Variants in CFAP58 observed in about 807,000 individuals in gnomAD.
CFAP58 encodes cilia and flagella associated protein 58.
Under a neutral mutation model 119.5 loss-of-function variants are expected in CFAP58, and 88 were observed. That is an observed-to-expected ratio of 0.74 (90% confidence interval 0.62 to 0.88). The LOEUF (loss-of-function observed/expected upper bound fraction) is 0.88, where lower values mean the gene tolerates loss of function less well. CFAP58 is among the 40% of genes least tolerant of loss of function. The probability of loss-of-function intolerance (pLI) is 0.00; values close to 1 mark genes in which losing one functional copy is unlikely to be tolerated. For missense variants in CFAP58, 990 were observed against 1,021.2 expected (o/e 0.97, Z 0.42); for synonymous variants, 365 against 366.3 (o/e 1.00, Z 0.04).
intron 11 of CFAP58, among the ~76,000 whole-genome samples, chr10:104,395,018 C>T (rs2012123465): frequency 6.6e-6 from 1 of 152,182 alleles, no homozygotes. Context: ...TGTTGGGTCT[C>T]ATCTCTTACT....
chr10:104,354,782 A>T (rs2014519869), intron 1 of CFAP58, among the ~76,000 whole-genome samples: 1 of 152,246 alleles, frequency 6.6e-6, no homozygotes, highest in African/African-American at 2.4e-5. Context: ...ACAGAACAGC[A>T]GAGCATTCAA....
chr10:104,442,923 C>T (rs1457239465), intron 15 of CFAP58, among the ~76,000 whole-genome samples: 2 of 152,188 alleles, frequency 1.3e-5, no homozygotes, highest in East Asian at 1.9e-4. Context: ...TGGTTTAATT[C>T]AAGTAAAAGT....
intron 15 of CFAP58, among the ~76,000 whole-genome samples, chr10:104,434,574 C>A (rs1257474278): frequency 6.6e-6 from 1 of 152,204 alleles, no homozygotes; most frequent in Non-Finnish European, 1.5e-5. Flanking sequence ...TCATCCCACC[C>A]TTGAACAAAT....
chr10:104,429,271 G>A (rs2012803484), intron 15 of CFAP58, among the ~76,000 whole-genome samples: 1 of 152,144 alleles, frequency 6.6e-6, no homozygotes, highest in Non-Finnish European at 1.5e-5. Flanking sequence ...ATCAGGCAGA[G>A]GCTAATGTGC....
At chr10:104,359,817 C>G (rs1346486805) in intron 2 of CFAP58, among the ~76,000 whole-genome samples, 1 of 151,982 alleles carries the variant, frequency 6.6e-6, no homozygotes, top group Non-Finnish European at 1.5e-5. Context: ...CAAAATAAAA[C>G]AAAAAACCCA....
At chr10:104,436,721 T>C (rs1280546945) in intron 15 of CFAP58, among the ~76,000 whole-genome samples, 9 of 152,186 alleles carry the variant, frequency 5.9e-5, no homozygotes, top group Non-Finnish European at 1.0e-4. Context: ...AATGTGAGAT[T>C]GGGTCAGGGA....
intron 1 of CFAP58, among the ~76,000 whole-genome samples, chr10:104,357,203 T>G (rs2014554349): frequency 6.6e-6 from 1 of 152,200 alleles, no homozygotes; most frequent in African/African-American, 2.4e-5. Flanking sequence ...CTCATCTAAG[T>G]AATAGCCAGA....
chr10:104,349,467 C>T (rs1449220668), upstream of CFAP58, among the ~76,000 whole-genome samples: 1 of 152,178 alleles, frequency 6.6e-6, no homozygotes. Flanking sequence ...CAATTTTCCT[C>T]TTCTTGTAAG....
intron 11 of CFAP58, among the ~76,000 whole-genome samples, chr10:104,398,968 CA>C (rs2012211469): frequency 6.6e-6 from 1 of 152,152 alleles, no homozygotes; most frequent in Non-Finnish European, 1.5e-5. Context: ...AGCTGGTACA[CA>C]CAGAGGCCTC....
chr10:104,358,734 T>G (rs780533895), intron 2 of CFAP58, 112 bp downstream of exon 2: 4 of 952,884 alleles, frequency 4.2e-6, no homozygotes, highest in Admixed American at 5.6e-5. Flanking sequence ...ATTTACATGA[T>G]TTTATATTCA....
chr10:104,454,746 G>A lies in CFAP58; in HGVS notation c.*216G>A. 5.9e-6 allele frequency: 3 copies of A among 510,554 alleles called. No homozygotes were observed. Among genetic ancestry groups the A allele is most frequent in the Non-Finnish European group, 1.0e-5 (3 of 289,556 alleles). The allele number at this position is 510,554 out of a possible 1,614,324, so 31.6% of individuals were successfully genotyped here. A position where few individuals can be genotyped will look rare whatever the true frequency, so the allele number is the denominator to read the frequency against. The stretch of plus-strand genomic sequence containing the variant: ...GATCATAATTCTCTCTGTTCAGTTA[G>A]GCTGACCTATTGCATGAAGCAAATC... On this transcript the variant is annotated 3_prime_UTR_variant, in exon 18 of 18. Coordinates refer to ENST00000369704, the MANE Select transcript of CFAP58 (RefSeq NM_001008723.2).
chr10:104,344,305 A>T, the CFAP58 span, among the ~76,000 whole-genome samples: 1 of 152,228 alleles, frequency 6.6e-6, no homozygotes, highest in Non-Finnish European at 1.5e-5. Context: ...TCATTCATCC[A>T]TCCATTCATT....
intron 15 of CFAP58, among the ~76,000 whole-genome samples, chr10:104,416,054 A>T (rs568860471): frequency 3.0e-4 from 45 of 152,292 alleles, no homozygotes; most frequent in African/African-American, 1.1e-3. Context: ...CCTGGGACTC[A>T]TTTTGGGGAA....
chr10:104,415,066 T>C (rs1301746561), intron 15 of CFAP58, among the ~76,000 whole-genome samples: 1 of 152,080 alleles, frequency 6.6e-6, no homozygotes, highest in Non-Finnish European at 1.5e-5. Flanking sequence ...GTCCCAGCCT[T>C]GAAGGACCTC....
chr10:104,353,723 C>G, upstream of CFAP58: 1 of 590,762 alleles, frequency 1.7e-6, no homozygotes, highest in Non-Finnish European at 2.9e-6. Context: ...TTCCCGCTAG[C>G]GCCCCTAGAG....
intron 15 of CFAP58, among the ~76,000 whole-genome samples, chr10:104,428,080 CA>C (rs1271913662): frequency 6.6e-6 from 1 of 152,116 alleles, no homozygotes; most frequent in South Asian, 2.1e-4. Flanking sequence ...GAAGGAAGGG[CA>C]AAGCTCATTT....
At chr10:104,353,764 G>T, upstream of CFAP58, 1 of 1,038,702 alleles carries the variant, frequency 9.6e-7, no homozygotes, top group South Asian at 1.6e-5. Flanking sequence ...ACGGGCCGAC[G>T]CGCCGAGCGC....
chr10:104,409,250 A>G (rs1315301213), intron 15 of CFAP58, among the ~76,000 whole-genome samples: 2 of 152,136 alleles, frequency 1.3e-5, no homozygotes, highest in African/African-American at 4.8e-5. Context: ...TAATTAGGAG[A>G]TATTTTATAA....
At chr10:104,432,155 T>C (rs564464041) in intron 15 of CFAP58, among the ~76,000 whole-genome samples, 1 of 152,048 alleles carries the variant, frequency 6.6e-6, no homozygotes, top group African/African-American at 2.4e-5. Flanking sequence ...ACACAAAAAG[T>C]TTAAAACATC....
Sources: allele counts gnomAD v4.1 joint callset (sites outside exome capture counted in the v4.1 genomes callset), GRCh38; gene constraint gnomAD v4.1.1; transcripts MANE v1.5; gene names NCBI Gene and HGNC (gene_info 2026-07-23, HGNC 2026-07-21).